DCAF1: variants seen among roughly 807,000 people sequenced by gnomAD.
DCAF1 encodes DDB1 and CUL4 associated factor 1, also known as DDB1- and CUL4-associated factor 1.
In DCAF1, 15 loss-of-function variants were observed where a neutral mutation model predicts 128.0. That is an observed-to-expected ratio of 0.12 (90% CI 0.08 to 0.18). The LOEUF (loss-of-function observed/expected upper bound fraction) is 0.18, where lower values mean the gene tolerates loss of function less well. Among genes scored for constraint, DCAF1 ranks in the 10% least tolerant of loss-of-function variants. The pLI, the probability that DCAF1 is intolerant of heterozygous loss-of-function variation, is 1.00. For synonymous variants in DCAF1, 610 were observed against 603.0 expected (o/e 1.01, Z -0.17); for missense variants, 988 against 1,649.5 (o/e 0.60, Z 6.95).
At chr3:51,444,689 T>TG (rs1577167121) in intron 6 of DCAF1, among the ~76,000 whole-genome samples, 1 of 146,446 alleles carries the variant, frequency 6.8e-6, no homozygotes, top group African/African-American at 2.5e-5. Context: ...ATTGATTGAT[T>TG]AATTGAGACA....
chr3:51,459,718 T>G (rs1251380723), intron 6 of DCAF1, among the ~76,000 whole-genome samples: 1 of 152,186 alleles, frequency 6.6e-6, no homozygotes, highest in Non-Finnish European at 1.5e-5. Context: ...CATGATCAAG[T>G]GGGCTTCATC....
rs997490774 is a variant in DCAF1, at chr3:51,433,950, T to C, written c.1129-686A>G. ...ACAAAAAATTTGCCAGACGTGGTGG[T>C]GGGTGCCTGTAATCCCAGCTACTTG... On this transcript the variant is annotated intron_variant, in intron 9 of 24. Transcript: ENST00000684031. Among the ~76,000 whole-genome samples the C allele has an allele frequency of 1.0e-3, 153 of 150,476 alleles. 1 individual carries two copies. Among genetic ancestry groups the C allele is most frequent in the African/African-American group, 3.5e-3 (145 of 40,990 alleles).
chr3:51,442,624 G>A (rs1401381532), intron 7 of DCAF1, among the ~76,000 whole-genome samples: 5 of 151,974 alleles, frequency 3.3e-5, no homozygotes, highest in South Asian at 2.1e-4. Flanking sequence ...ACTTGAACCC[G>A]GAAGGTGGAG....
In DCAF1 at chr3:51,412,935, T is replaced by C. The variant is rs1317366595; in HGVS notation, c.4110+58A>G. 11 of 1,600,538 alleles carry C rather than the reference T, an allele frequency of 6.9e-6. No homozygotes were observed. In the African/African-American group the frequency reaches 1.2e-4, roughly 18 times the overall value. On this transcript the variant is annotated intron_variant, in intron 22 of 24. Transcript: ENST00000684031. ...TCAGACAAAATGTCTGTAGTACAAC[T>C]TGAAAATTATCCTAAACATCAGAAC...
chr3:51,475,678 G>A (rs964371385), intron 3 of DCAF1, among the ~76,000 whole-genome samples: 25 of 152,170 alleles, frequency 1.6e-4, no homozygotes, highest in Non-Finnish European at 4.4e-5. Context: ...TGGCTAACAC[G>A]GCGAAAGCCC....
At chr3:51,440,611 A>G (rs1037498511) in intron 9 of DCAF1, among the ~76,000 whole-genome samples, 2 of 152,000 alleles carry the variant, frequency 1.3e-5, no homozygotes, top group African/African-American at 4.8e-5. Context: ...CTAAAAATAA[A>G]TAAGTAAAGC....
intron 9 of DCAF1, among the ~76,000 whole-genome samples, chr3:51,435,705 C>T (rs1381390945): frequency 2.7e-5 from 2 of 73,826 alleles, no homozygotes; most frequent in Non-Finnish European, 5.5e-5. Flanking sequence ...GAGCGAAACT[C>T]TGTCTCAAAA....
At chr3:51,472,511 C>A (rs1553648746) in intron 3 of DCAF1, among the ~76,000 whole-genome samples, 1 of 151,500 alleles carries the variant, frequency 6.6e-6, no homozygotes, top group African/African-American at 2.4e-5. Context: ...CTCAGCCTCC[C>A]AAGTAGCTGG....
intron 20 of DCAF1, 73 bp from the exon 21 acceptor site, chr3:51,413,459 T>G: frequency 6.5e-7 from 1 of 1,537,852 alleles, no homozygotes. Flanking sequence ...CAGAAAATGT[T>G]AATGGCCAAT....
intron 20 of DCAF1, 82 bp from the exon 21 acceptor site, chr3:51,413,468 A>G (rs1418147179): frequency 3.3e-6 from 5 of 1,522,812 alleles, no homozygotes; most frequent in African/African-American, 1.4e-5. Context: ...TTAATGGCCA[A>G]TCAAAACAAT....
At chr3:51,473,483 T>C (rs1553649191) in intron 3 of DCAF1, among the ~76,000 whole-genome samples, 8 of 71,132 alleles carry the variant, frequency 1.1e-4, no homozygotes, top group African/African-American at 3.0e-4. Flanking sequence ...AGAATGAGAC[T>C]CCATCTCAAA....
intron 23 of DCAF1, among the ~76,000 whole-genome samples, chr3:51,409,180 G>C (rs1000649914): frequency 5.9e-5 from 9 of 152,164 alleles, no homozygotes; most frequent in Non-Finnish European, 1.2e-4. Flanking sequence ...AGAAGAATTA[G>C]TCAGTCTTTT....
intron 10 of DCAF1, among the ~76,000 whole-genome samples, chr3:51,432,267 TAAAAAAAA>T (rs879192648): frequency 1.1e-3 from 109 of 99,016 alleles, no homozygotes; most frequent in African/African-American, 4.3e-3. Flanking sequence ...CAAGATTCTG[TAAAAAAAA>T]AAAAAAAAAA....
intron 6 of DCAF1, among the ~76,000 whole-genome samples, chr3:51,446,963 A>AATAAT (rs1701913898): frequency 2.9e-5 from 4 of 136,990 alleles, no homozygotes; most frequent in Non-Finnish European, 6.2e-5. Flanking sequence ...TTTGTCTCAA[A>AATAAT]AATAATAATA....
At chr3:51,410,764 G>A (rs1377811787) in intron 23 of DCAF1, among the ~76,000 whole-genome samples, 2 of 152,218 alleles carry the variant, frequency 1.3e-5, no homozygotes, top group African/African-American at 2.4e-5. Flanking sequence ...GGAAGGATGA[G>A]GGCAAGAGAG....
intron 19 of DCAF1, 72 bp from the exon 20 acceptor site, chr3:51,414,115 A>G: frequency 6.8e-7 from 1 of 1,469,434 alleles, no homozygotes; most frequent in Non-Finnish European, 9.0e-7. Context: ...AAATTCTAAA[A>G]TATCACTTTT....
At chr3:51,414,976 T>C (rs1473661104) in intron 18 of DCAF1, 119 bp from the exon 19 acceptor site, 2 of 1,406,566 alleles carry the variant, frequency 1.4e-6, no homozygotes, top group Non-Finnish European at 1.9e-6. Flanking sequence ...CATGGATCAA[T>C]GATTACCACA....
At chr3:51,446,010 T>TC (rs1357206564) in intron 6 of DCAF1, among the ~76,000 whole-genome samples, 11 of 149,852 alleles carry the variant, frequency 7.3e-5, no homozygotes, top group Admixed American at 4.0e-4. Flanking sequence ...TTTTTTTTTT[T>TC]CCAGACAGAG....
intron 17 of DCAF1, 60 bp downstream of exon 17, chr3:51,418,056 G>A (rs1310958950): frequency 1.0e-5 from 16 of 1,549,170 alleles, no homozygotes; most frequent in Non-Finnish European, 1.4e-5. Context: ...AGAACCAAAT[G>A]AAGGGGGGTA....
Sources: allele counts gnomAD v4.1 joint callset (sites outside exome capture counted in the v4.1 genomes callset), GRCh38; gene constraint gnomAD v4.1.1; transcripts MANE v1.5; gene names NCBI Gene and HGNC (gene_info 2026-07-23, HGNC 2026-07-21).